The following AVEN variants were observed in gnomAD, a reference collection of about 807,000 sequenced individuals.
AVEN encodes apoptosis and caspase activation inhibitor.
A neutral mutation model predicts 38.1 loss-of-function variants in AVEN; 41 were observed. The ratio of observed to expected loss-of-function variants is 1.08; its 90% confidence interval spans 0.84 to 1.40. The LOEUF (loss-of-function observed/expected upper bound fraction) is 1.40, where lower values mean the gene tolerates loss of function less well. Ranked by LOEUF, AVEN falls within the 40% of genes most tolerant of loss-of-function variation. The pLI, the probability that AVEN is intolerant of heterozygous loss-of-function variation, is 0.00. For missense variants in AVEN, 605 were observed against 438.8 expected, an observed-to-expected ratio of 1.38 and a Z score of -3.38; for synonymous variants, 206 against 171.8, an observed-to-expected ratio of 1.20 and a Z score of -1.56.
rs199852977 is a variant in AVEN, at chr15:33,867,419, G to A, written c.973+76C>T. ...GTCAGACACCCAGAGGGATGTGTGC[G>A]GATGTGATGCGGGCGGGGCTGTTCT... On this transcript the variant is annotated intron_variant, in intron 5 of 5. Coordinates refer to ENST00000306730, the MANE Select transcript of AVEN (RefSeq NM_020371.3). 2.4e-4 allele frequency: 370 copies of A among 1,511,396 alleles called. 1 individual carries two copies. Among genetic ancestry groups the A allele is most frequent in the Middle Eastern group, 8.6e-4 (4 of 4,630 alleles). The allele number at this position is 1,511,396 out of a possible 1,614,324, so 93.6% of individuals were successfully genotyped here.
chr15:34,073,521 T>C (rs1900672809), intron 1 of AVEN, among the ~76,000 whole-genome samples: 1 of 126 alleles, frequency 7.9e-3, no homozygotes, highest in Non-Finnish European at 0.071. Context: ...TCTTTTTTCT[T>C]TTTTTTTTTT....
intron 3 of AVEN, chr15:34,066,182 C>G (rs2140852105): frequency 6.6e-6 from 1 of 152,362 alleles, no homozygotes; most frequent in Non-Finnish European, 1.5e-5. Context: ...TCGGTGGGAA[C>G]AGTAATTGGC....
At chr15:34,043,171 T>C (rs543442211), upstream of AVEN, among the ~76,000 whole-genome samples, 2 of 149,916 alleles carry the variant, frequency 1.3e-5, no homozygotes, top group African/African-American at 2.5e-5. Flanking sequence ...GGCGTGAACC[T>C]GGGAGGCAGA....
chr15:33,859,276 G>T (rs760363125), intron 11 of AVEN, among the ~76,000 whole-genome samples: 13 of 152,310 alleles, frequency 8.5e-5, no homozygotes, highest in Middle Eastern at 3.4e-3. Flanking sequence ...TTATTATATG[G>T]CATAGGCCAT....
At chr15:33,853,243 T>G in the AVEN span, among the ~76,000 whole-genome samples, 2 of 152,076 alleles carry the variant, frequency 1.3e-5, no homozygotes, top group African/African-American at 4.8e-5. Flanking sequence ...TATGAACATA[T>G]GTAGGTTTTT....
Position 33,915,575 on chromosome 15 carries a change from GC to G in AVEN, c.446-39581del, listed in dbSNP as rs557364400. Among the ~76,000 whole-genome samples the G allele has an allele frequency of 1.6e-4, 25 of 152,316 alleles. No homozygotes were observed. The South Asian group carries it at 5.2e-3, about 32-fold the overall frequency. On this transcript the variant is annotated intron_variant, in intron 2 of 5. Coordinates refer to ENST00000306730, the MANE Select transcript of AVEN (RefSeq NM_020371.3). ...TGTCTCACAGAGGTCCTTGGGGAGGGCTACCAGAGGAACTGGGAAAAGACCA... is the reference window on the plus strand; with the variant it reads ...TGTCTCACAGAGGTCCTTGGGGAGGGTACCAGAGGAACTGGGAAAAGACCA...
chr15:33,910,157 T>C (rs1057066469), intron 2 of AVEN, among the ~76,000 whole-genome samples: 5 of 151,052 alleles, frequency 3.3e-5, no homozygotes, highest in Admixed American at 6.6e-5. Flanking sequence ...AAAAATTGCT[T>C]AGTAAGCAAG....
At chr15:34,041,625 G>GT (rs1211884578), upstream of AVEN, among the ~76,000 whole-genome samples, 5 of 152,246 alleles carry the variant, frequency 3.3e-5, no homozygotes, top group African/African-American at 1.2e-4. Context: ...CTTTTGAAAG[G>GT]TATGCCATTT....
chr15:34,063,848 G>A lies in AVEN; in HGVS notation n.1127-416C>T. ...ATAGACCCAAGAGTCAGAAATGTGT[G>A]GCCTATAAGTTCCGATTGGTGGTAA... On this transcript the variant is annotated intron_variant and non_coding_transcript_variant, in intron 4 of 11. Coordinates refer to the AVEN transcript ENST00000675287. The surrounding 1 kb of genome is among the most constrained non-coding windows in gnomAD (Gnocchi z 4.1). 1 of 1,614,176 alleles carries A rather than the reference G, an allele frequency of 6.2e-7. No individual in the cohort carries two copies. The highest frequency in any genetic ancestry group is 1.3e-5 in the African/African-American group (1 of 75,026).
intron 2 of AVEN, among the ~76,000 whole-genome samples, chr15:33,922,101 TA>T (rs1340030293): frequency 6.6e-6 from 1 of 152,234 alleles, no homozygotes; most frequent in Non-Finnish European, 1.5e-5. Flanking sequence ...AGGACGTATC[TA>T]ATCTGTCTAG....
chr15:34,063,950 G>C lies in AVEN; in HGVS notation n.1127-518C>G. ...TGCCCTGCCCCTTCCCAGTGGCCAA[G>C]GAACCTTCAACGAAAGGCCTCAATC... is the stretch of plus-strand genomic sequence containing the variant. On this transcript the variant is annotated intron_variant and non_coding_transcript_variant, in intron 4 of 11. Coordinates refer to the AVEN transcript ENST00000675287. This position sits in a 1 kb window ranked among gnomAD's most constrained non-coding sequence, Gnocchi z 4.1. 6.2e-7 allele frequency: 1 copy of C among 1,614,132 alleles called. No individual in the cohort carries two copies. Among genetic ancestry groups the C allele is most frequent in the African/African-American group, 1.3e-5 (1 of 75,028 alleles).
intron 2 of AVEN, among the ~76,000 whole-genome samples, chr15:33,931,496 G>A (rs1893849078): frequency 6.6e-6 from 1 of 151,264 alleles, no homozygotes; most frequent in Admixed American, 6.6e-5. Context: ...TCAGCCTCCA[G>A]AGTTGCTGGG....
chr15:33,863,905 G>A (rs1889458885), downstream of AVEN, among the ~76,000 whole-genome samples: 1 of 152,136 alleles, frequency 6.6e-6, no homozygotes, highest in South Asian at 2.1e-4. Context: ...TTAGTTCAAG[G>A]TATAGGGATG....
At chr15:33,950,092 A>G (rs1894678049) in intron 2 of AVEN, among the ~76,000 whole-genome samples, 1 of 152,228 alleles carries the variant, frequency 6.6e-6, no homozygotes, top group Non-Finnish European at 1.5e-5. Flanking sequence ...GGACATTATA[A>G]TAAGTGAAAT....
Position 34,039,000 on chromosome 15 carries a change from C to T in AVEN, c.47G>A (p.Gly16Asp). The T allele has an allele frequency of 8.9e-7, 1 of 1,120,872 alleles. No individual in the cohort carries two copies. Among genetic ancestry groups the T allele is most frequent in the Non-Finnish European group, 1.1e-6 (1 of 918,740 alleles). 69.4% of individuals were successfully genotyped at this position (1,120,872 alleles called of 1,614,324 possible). ...GARGGRGRRPGRGRPGGDRHS... is the reference protein window; with the variant it reads ...GARGGRGRRPDRGRPGGDRHS... ...GCGATCTCCGCCAGGCCGGCCGCGG[C>T]CTGGCCGCCGCCCACGGCCTCCCCG... The change falls in exon 1 of 6, where the codon GGC becomes GAC. Residue 16 changes from glycine to aspartate, a missense_variant. Coordinates refer to ENST00000306730, the MANE Select transcript of AVEN (RefSeq NM_020371.3).
In AVEN at chr15:33,928,057, C is replaced by G. The variant is rs74990877; in HGVS notation, c.446-52062G>C. On this transcript the variant is annotated intron_variant, in intron 2 of 5. Transcript: ENST00000306730. ...AACAGGTTTGGAATGTATAAAGAAG[C>G]TAATCCATGCGAAACTTTTCCAACC... is the stretch of plus-strand genomic sequence containing the variant. Among the ~76,000 whole-genome samples, 562 of 152,302 alleles carry G rather than the reference C, an allele frequency of 3.7e-3. 6 individuals carry two copies. The highest frequency in any genetic ancestry group is 0.027 in the South Asian group (128 of 4,828).
intron 2 of AVEN, among the ~76,000 whole-genome samples, chr15:33,896,588 CA>C (rs1892243475): frequency 6.6e-6 from 1 of 152,148 alleles, no homozygotes; most frequent in South Asian, 2.1e-4. Flanking sequence ...TAAGCACACC[CA>C]CCACGGCCAA....
At chr15:33,982,387 T>C (rs1213395674) in intron 2 of AVEN, among the ~76,000 whole-genome samples, 1 of 152,006 alleles carries the variant, frequency 6.6e-6, no homozygotes, top group Non-Finnish European at 1.5e-5. Context: ...AATTACCAAA[T>C]GCTATGCTCT....
chr15:33,865,841 T>C (rs1296334729), downstream of AVEN: 1 of 152,854 alleles, frequency 6.5e-6, no homozygotes, highest in Non-Finnish European at 1.5e-5. Context: ...GACAGTTCCA[T>C]TCATTAGTTG....
Sources: gnomAD v4.1 joint callset for allele counts (sites outside exome capture counted in the v4.1 genomes callset) on GRCh38, gnomAD v4.1.1 for gene constraint, Gnocchi (gnomAD v3.1) non-coding constraint, MANE v1.5 for transcripts, NCBI Gene and HGNC (gene_info 2026-07-23, HGNC 2026-07-21) for gene names.